Variants in NDUFS5 observed in about 807,000 individuals in gnomAD.
NDUFS5 encodes NADH dehydrogenase [ubiquinone] iron-sulfur protein 5.
Under a neutral mutation model 10.5 loss-of-function variants are expected in NDUFS5, and 7 were observed. The ratio of observed to expected loss-of-function variants is 0.66; its 90% confidence interval spans 0.38 to 1.25. The LOEUF (loss-of-function observed/expected upper bound fraction) is 1.25, where lower values mean the gene tolerates loss of function less well. NDUFS5 is among the 50% of genes most tolerant of loss of function. The pLI is 0.02. For synonymous variants in NDUFS5, 38 were observed against 44.0 expected (o/e 0.86, Z 0.54); for missense variants, 148 against 140.7 (o/e 1.05, Z -0.26).
intron 2 of NDUFS5, 58 bp downstream of exon 2, chr1:39,028,998 T>TTG (rs1026928198): frequency 1.4e-6 from 2 of 1,474,298 alleles, no homozygotes; most frequent in African/African-American, 2.9e-5. Flanking sequence ...GGGACTCTTT[T>TTG]TTTTTTTTTT....
chr1:39,030,415 A>G (rs1016585007), intron 2 of NDUFS5, among the ~76,000 whole-genome samples: 3 of 147,594 alleles, frequency 2.0e-5, no homozygotes, highest in African/African-American at 5.0e-5. Context: ...AAGAAAAAAA[A>G]AAAAAAGATG....
intron 2 of NDUFS5, among the ~76,000 whole-genome samples, chr1:39,033,296 G>A (rs1355908916): frequency 6.6e-6 from 1 of 152,016 alleles, no homozygotes; most frequent in Non-Finnish European, 1.5e-5. Context: ...AGTGCTTGCC[G>A]GGTGCGGTGG....
intron 2 of NDUFS5, among the ~76,000 whole-genome samples, chr1:39,033,151 G>A (rs186558759): frequency 2.5e-4 from 38 of 152,262 alleles, no homozygotes; most frequent in Admixed American, 5.9e-4. Flanking sequence ...AAGACTCAGC[G>A]GTGACTAGTG....
intron 2 of NDUFS5, 69 bp downstream of exon 2, chr1:39,029,009 T>G (rs80021543): frequency 1.4e-6 from 2 of 1,402,980 alleles, no homozygotes; most frequent in South Asian, 2.6e-5. Flanking sequence ...TTTTTTTTTT[T>G]GAGACGAAGT....
At position 39,034,409 on chromosome 1, in the gene NDUFS5, C is replaced by T. The variant is rs760264073; in HGVS notation, c.234C>T (p.Thr78=). 29 of 1,613,226 alleles carry T rather than the reference C, an allele frequency of 1.8e-5. No homozygotes were observed. Among genetic ancestry groups the T allele is most frequent in the Non-Finnish European group, 2.4e-5 (28 of 1,179,508 alleles). ...LRQKTMRRAG[T]IRKQRDKLIK... The stretch of plus-strand genomic sequence containing the variant: ...TTTGACAGATGAGACGTGCAGGTAC[C>T]ATCAGGAAGCAGCGGGATAAGCTGA... Residue 78 remains threonine, a synonymous_variant, in exon 3 of 3, where the codon ACC becomes ACT. Transcript: ENST00000372969.
At chr1:39,032,939 C>T (rs1199731946) in intron 2 of NDUFS5, among the ~76,000 whole-genome samples, 4 of 152,160 alleles carry the variant, frequency 2.6e-5, no homozygotes, top group Non-Finnish European at 5.9e-5. Context: ...CCTTGTAAAC[C>T]ATGATAAGGA....
At chr1:39,031,547 C>G (rs1438536222) in intron 2 of NDUFS5, among the ~76,000 whole-genome samples, 2 of 152,134 alleles carry the variant, frequency 1.3e-5, no homozygotes, top group African/African-American at 4.8e-5. Flanking sequence ...CTCAAACGAT[C>G]CTCTTGCCTG....
chr1:39,030,090 CTA>C (rs1644179261), intron 2 of NDUFS5, among the ~76,000 whole-genome samples: 1 of 142,400 alleles, frequency 7.0e-6, no homozygotes. Flanking sequence ...GACTCTGCCT[CTA>C]AAAAAAAAAC....
At chr1:39,029,738 A>G (rs990241001) in intron 2 of NDUFS5, among the ~76,000 whole-genome samples, 2 of 152,216 alleles carry the variant, frequency 1.3e-5, no homozygotes, top group Non-Finnish European at 2.9e-5. Context: ...GCTGTACATG[A>G]GCGTGAACAA....
intron 2 of NDUFS5, among the ~76,000 whole-genome samples, chr1:39,032,304 G>C (rs953267905): frequency 6.6e-6 from 1 of 152,204 alleles, no homozygotes; most frequent in African/African-American, 2.4e-5. Flanking sequence ...TTTATCCAGA[G>C]TTACTGCTTT....
intron 1 of NDUFS5, among the ~76,000 whole-genome samples, chr1:39,028,106 C>T (rs1193370196): frequency 2.7e-5 from 4 of 145,566 alleles, no homozygotes; most frequent in Admixed American, 6.9e-5. Context: ...AGGCATGAGC[C>T]ACCGCGCCTG....
chr1:39,027,810 TCTTC>T (rs1469529604), intron 1 of NDUFS5, among the ~76,000 whole-genome samples: 2 of 59,106 alleles, frequency 3.4e-5, no homozygotes, highest in African/African-American at 4.8e-5. Context: ...TTTTTCTTCT[TCTTC>T]TTTTTTTTTT....
intron 2 of NDUFS5, among the ~76,000 whole-genome samples, chr1:39,033,259 C>T (rs1360168757): frequency 6.6e-6 from 1 of 152,070 alleles, no homozygotes; most frequent in African/African-American, 2.4e-5. Context: ...TCACCAGCAG[C>T]AGTGCCACTT....
chr1:39,034,595 A>G lies in NDUFS5; in HGVS notation c.*99A>G. 1.1e-6 allele frequency: 1 copy of G among 919,546 alleles called. No homozygotes were observed. The highest frequency in any genetic ancestry group is 1.8e-6 in the Non-Finnish European group (1 of 569,480). The allele number at this position is 919,546 out of a possible 1,614,324, so 57.0% of individuals were successfully genotyped here. ...AACCTCCTTGTCAAAGTGTGTAAAA[A>G]TAAAGGATTGCTCCATCCTATTTGT... On this transcript the variant is annotated 3_prime_UTR_variant, in exon 3 of 3. Transcript: ENST00000372969.
intron 2 of NDUFS5, among the ~76,000 whole-genome samples, chr1:39,032,339 T>C (rs1490591920): frequency 6.6e-6 from 1 of 152,174 alleles, no homozygotes; most frequent in African/African-American, 2.4e-5. Context: ...ATTTGACATA[T>C]GGTATTGTCA....
chr1:39,026,733 T>C (rs1185393597), intron 1 of NDUFS5, among the ~76,000 whole-genome samples: 1 of 152,230 alleles, frequency 6.6e-6, no homozygotes, highest in Admixed American at 6.5e-5. Context: ...CTCATTTCAT[T>C]CTTTTCACCG....
rs571846579 is a variant in NDUFS5, at chr1:39,033,150, C to T, written c.217-1242C>T. 6.6e-5 allele frequency among the ~76,000 whole-genome samples: 10 copies of T among 152,222 alleles called. No individual in the cohort carries two copies. In the South Asian group the frequency reaches 1.0e-3, roughly 16 times the overall value. On this transcript the variant is annotated intron_variant, in intron 2 of 2. Transcript: ENST00000372969. Reference sequence around the variant, plus strand: ...AGAAGAGACAGAATTCAAGACTCAGCGGTGACTAGTGGCTGAGTAAGAATC... The same window carrying T: ...AGAAGAGACAGAATTCAAGACTCAGTGGTGACTAGTGGCTGAGTAAGAATC...
intron 1 of NDUFS5, among the ~76,000 whole-genome samples, chr1:39,027,174 G>A (rs1644154774): frequency 6.6e-6 from 1 of 152,098 alleles, no homozygotes; most frequent in African/African-American, 2.4e-5. Context: ...GGATTCAAGC[G>A]ATTCTCCTCC....
In NDUFS5 at chr1:39,029,868, G is replaced by A. The variant is rs796856278; in HGVS notation, c.216+928G>A. Among the ~76,000 whole-genome samples, 19 of 152,276 alleles carry A rather than the reference G, an allele frequency of 1.2e-4. 1 individual carries two copies. Among genetic ancestry groups the A allele is most frequent in the African/African-American group, 4.6e-4 (19 of 41,566 alleles). ...AGGACTTTGGGAGGCTGAGGCGGGTGTATCACGAGGTCAGGAGTTTGAGAC... is the reference window on the plus strand; with the variant it reads ...AGGACTTTGGGAGGCTGAGGCGGGTATATCACGAGGTCAGGAGTTTGAGAC... On this transcript the variant is annotated intron_variant, in intron 2 of 2. Coordinates refer to ENST00000372969, the MANE Select transcript of NDUFS5 (RefSeq NM_004552.3).
Sources: allele counts gnomAD v4.1 joint callset (sites outside exome capture counted in the v4.1 genomes callset), GRCh38; gene constraint gnomAD v4.1.1; transcripts MANE v1.5; gene names NCBI Gene and HGNC (gene_info 2026-07-23, HGNC 2026-07-21).